Variants in DCC observed in about 807,000 individuals in gnomAD.
DCC encodes the protein DCC netrin 1 receptor.
In DCC, 58 loss-of-function variants were observed where a neutral mutation model predicts 172.5. The ratio of observed to expected loss-of-function variants is 0.34; its 90% CI spans 0.27 to 0.42. DCC has a LOEUF of 0.42. Among genes scored for constraint, DCC ranks in the 10% least tolerant of loss-of-function variants. DCC has a pLI of 1.00. For synonymous variants in DCC, 709 were observed against 644.5 expected (o/e 1.10, Z -1.52); for missense variants, 1,740 against 1,791.0 (o/e 0.97, Z 0.51).
intron 16 of DCC, among the ~76,000 whole-genome samples, chr18:53,386,711 G>A (rs1032460247): frequency 6.6e-6 from 1 of 152,140 alleles, no homozygotes; most frequent in Non-Finnish European, 1.5e-5. Flanking sequence ...CTGATTTAAG[G>A]CCTTGTCACC....
chr18:53,008,565 A>G (rs571208125), intron 5 of DCC, among the ~76,000 whole-genome samples: 1 of 152,210 alleles, frequency 6.6e-6, no homozygotes, highest in Admixed American at 6.5e-5. Context: ...ATATATCCAT[A>G]TTAAATATTA....
chr18:52,800,191 C>T (rs1432090792), intron 2 of DCC, among the ~76,000 whole-genome samples: 2 of 152,248 alleles, frequency 1.3e-5, no homozygotes, highest in African/African-American at 4.8e-5. Context: ...TCAATAAGTA[C>T]CTTCAGCAAA....
chr18:53,378,482 A>G (rs1907474872), intron 15 of DCC, among the ~76,000 whole-genome samples: 1 of 152,196 alleles, frequency 6.6e-6, no homozygotes, highest in Non-Finnish European at 1.5e-5. Flanking sequence ...AAAATATTAT[A>G]AAATATCTTT....
At chr18:53,072,614 C>T (rs2042670320) in intron 7 of DCC, among the ~76,000 whole-genome samples, 1 of 152,112 alleles carries the variant, frequency 6.6e-6, no homozygotes, top group Non-Finnish European at 1.5e-5. Flanking sequence ...TGCGTGAAGA[C>T]AGAATAAAGT....
At chr18:52,575,900 G>A (rs1476174094) in intron 1 of DCC, among the ~76,000 whole-genome samples, 3 of 152,152 alleles carry the variant, frequency 2.0e-5, no homozygotes, top group Non-Finnish European at 2.9e-5. Flanking sequence ...AACAATTGCA[G>A]ACAGAATGTT....
At chr18:52,343,456 G>T (rs925972618) in intron 1 of DCC, among the ~76,000 whole-genome samples, 41 of 152,168 alleles carry the variant, frequency 2.7e-4, no homozygotes, top group African/African-American at 9.7e-4. Flanking sequence ...AGCTGCTGTA[G>T]ATTTGTATGA....
At chr18:52,948,846 A>G (rs941486637) in intron 5 of DCC, among the ~76,000 whole-genome samples, 84 of 152,266 alleles carry the variant, frequency 5.5e-4, no homozygotes, top group African/African-American at 1.9e-3. Flanking sequence ...TCACCATTCT[A>G]CCTGTAAGAA....
At chr18:52,737,067 C>T (rs9945328) in intron 1 of DCC, among the ~76,000 whole-genome samples, 1 of 151,986 alleles carries the variant, frequency 6.6e-6, no homozygotes, top group Non-Finnish European at 1.5e-5. Flanking sequence ...AGGGGACTTG[C>T]TGTTTATTAT....
intron 1 of DCC, among the ~76,000 whole-genome samples, chr18:52,448,094 G>A (rs1988181814): frequency 6.6e-6 from 1 of 152,190 alleles, no homozygotes; most frequent in African/African-American, 2.4e-5. Flanking sequence ...CCGCACAGCA[G>A]GAGGGGAGTG....
intron 2 of DCC, among the ~76,000 whole-genome samples, chr18:52,890,216 C>T (rs1174366625): frequency 6.6e-6 from 1 of 152,018 alleles, no homozygotes; most frequent in Non-Finnish European, 1.5e-5. Flanking sequence ...TGCTGTGTAC[C>T]AGGCAAAGAG....
chr18:53,158,425 G>A (rs1418713851), intron 8 of DCC, among the ~76,000 whole-genome samples: 3 of 152,134 alleles, frequency 2.0e-5, no homozygotes, highest in Non-Finnish European at 2.9e-5. Context: ...TTCCACTTCA[G>A]GAGAAGCAGG....
Position 53,460,056 on chromosome 18 carries a change from G to GAA in DCC, c.3619+616_3619+617dup, listed in dbSNP as rs55871112. Among the ~76,000 whole-genome samples the GAA allele has an allele frequency of 8.5e-3, 645 of 75,960 alleles. 22 individuals carry two copies. The highest frequency in any genetic ancestry group is 0.025 in the African/African-American group (519 of 20,652). The allele number at this position is 75,960 out of a possible 152,430, so 49.8% of individuals were successfully genotyped here. A position where few individuals can be genotyped will look rare whatever the true frequency, so the allele number is the denominator to read the frequency against. On this transcript the variant is annotated intron_variant, in intron 24 of 28. Coordinates refer to ENST00000442544, the MANE Select transcript of DCC (RefSeq NM_005215.4). ...ACTATGTTGTTATACAAAGGGATCT[G>GAA]AAAAAAAAAAAAAAAAAAAGCCTAC...
chr18:52,364,079 C>G (rs919301781), intron 1 of DCC, among the ~76,000 whole-genome samples: 1 of 152,130 alleles, frequency 6.6e-6, no homozygotes, highest in Non-Finnish European at 1.5e-5. Flanking sequence ...CAGTGAAAAC[C>G]GCAGCTCCAA....
chr18:53,361,813 G>A (rs1488177234), intron 15 of DCC, among the ~76,000 whole-genome samples: 1 of 136,036 alleles, frequency 7.4e-6, no homozygotes, highest in East Asian at 2.0e-4. Context: ...CATATTTACA[G>A]CAAAGAAATT....
At chr18:52,906,019 TC>T (rs772756721) in intron 2 of DCC, 24 bp from the exon 3 acceptor site, 1 of 1,506,284 alleles carries the variant, frequency 6.6e-7, no homozygotes, top group Non-Finnish European at 9.2e-7. Context: ...GAAGACTTAT[TC>T]TTCCTTCTTT....
chr18:52,941,211 C>G (rs902220685), intron 5 of DCC: 1 of 151,884 alleles, frequency 6.6e-6, no homozygotes, highest in Non-Finnish European at 1.5e-5. Context: ...TTTAATATAG[C>G]CTATAGTAAA....
At chr18:52,521,668 G>A (rs1052810592) in intron 1 of DCC, among the ~76,000 whole-genome samples, 12 of 152,020 alleles carry the variant, frequency 7.9e-5, no homozygotes, top group African/African-American at 2.9e-4. Flanking sequence ...TTTGGGGGAG[G>A]TATACAGGAA....
chr18:52,750,276 T>TA (rs2036974760), intron 1 of DCC, among the ~76,000 whole-genome samples: 1 of 152,102 alleles, frequency 6.6e-6, no homozygotes, highest in Non-Finnish European at 1.5e-5. Flanking sequence ...TTTGAAGTGA[T>TA]AAAACCAAGA....
chr18:52,869,547 G>A (rs1361541826), intron 2 of DCC, among the ~76,000 whole-genome samples: 1 of 152,170 alleles, frequency 6.6e-6, no homozygotes, highest in African/African-American at 2.4e-5. Context: ...CTTGAAGGTG[G>A]GGCCTCACCG....
Sources: allele counts gnomAD v4.1 joint callset (sites outside exome capture counted in the v4.1 genomes callset), GRCh38; gene constraint gnomAD v4.1.1; transcripts MANE v1.5; gene names NCBI Gene and HGNC (gene_info 2026-07-23, HGNC 2026-07-21).